Variants in CNTN1 observed in about 807,000 individuals in gnomAD.
The protein encoded by CNTN1 is contactin-1.
A neutral mutation model predicts 126.4 loss-of-function variants in CNTN1; 38 were observed. The observed-to-expected ratio is 0.30, with a 90% CI of 0.23 to 0.39. The LOEUF is 0.39. CNTN1 is among the 10% of genes least tolerant of loss of function. The pLI is 1.00. For synonymous variants in CNTN1, 413 were observed against 422.6 expected (o/e 0.98, Z 0.28); for missense variants, 1,009 against 1,248.4 (o/e 0.81, Z 2.89).
At chr12:41,056,848 T>A (rs1328095054) in intron 23 of CNTN1, among the ~76,000 whole-genome samples, 5 of 147,690 alleles carry the variant, frequency 3.4e-5, no homozygotes, top group African/African-American at 9.8e-5. Flanking sequence ...AACATTTAGA[T>A]CATAATTTAT....
chr12:41,047,558 ATCATACCATCACCC>A (rs1387468207), intron 23 of CNTN1, among the ~76,000 whole-genome samples: 2 of 151,822 alleles, frequency 1.3e-5, no homozygotes, highest in Non-Finnish European at 1.5e-5. Flanking sequence ...TCTGCTTGGA[ATCATACCATCACCC>A]TCTCCCACCC....
chr12:40,961,942 A>G (rs1021458746), intron 15 of CNTN1, among the ~76,000 whole-genome samples: 1 of 151,512 alleles, frequency 6.6e-6, no homozygotes, highest in Admixed American at 6.6e-5. Context: ...AACTTTCCAT[A>G]TTTGAGATGG....
At position 40,737,357 on chromosome 12, in the gene CNTN1, G is replaced by GTATATATATATATATATATA. The variant is rs773215644; in HGVS notation, c.-77+44766_-77+44767insATATATATATATATATATAT. On this transcript the variant is annotated intron_variant, in intron 1 of 23. Coordinates refer to ENST00000551295, the MANE Select transcript of CNTN1 (RefSeq NM_001843.4). ...TGTGTGTGTGTGTATATATGTGTGTGTGTATATATATATATATATATATAT... is the reference window on the plus strand; with the variant it reads ...TGTGTGTGTGTGTATATATGTGTGTGTATATATATATATATATATATGTATATATATATATATATATATAT... 2.1e-3 allele frequency among the ~76,000 whole-genome samples: 222 copies of GTATATATATATATATATATA among 105,002 alleles called. 3 individuals carry two copies. The highest frequency in any genetic ancestry group is 3.6e-3 in the Non-Finnish European group (190 of 52,804). The allele number at this position is 105,002 out of a possible 152,430, so 68.9% of individuals were successfully genotyped here. A position where few individuals can be genotyped will look rare whatever the true frequency, so the allele number is the denominator to read the frequency against.
chr12:40,837,587 A>G (rs1942109044), intron 1 of CNTN1, among the ~76,000 whole-genome samples: 1 of 152,304 alleles, frequency 6.6e-6, no homozygotes, highest in South Asian at 2.1e-4. Context: ...TGGCTACAGC[A>G]AGGTGCCATT....
chr12:40,943,990 T>C lies in CNTN1; in HGVS notation c.1508-5T>C, dbSNP rs1241567657. The C allele has an allele frequency of 2.5e-6, 4 of 1,612,758 alleles. No homozygotes were observed. Among genetic ancestry groups the C allele is most frequent in the Admixed American group, 3.3e-5 (2 of 59,872 alleles). Reference sequence around the variant, plus strand: ...GAATTGTGCTTTACATTTAAAAATATATAGATCCTACGCGAATTATATTGG... The same window carrying C: ...GAATTGTGCTTTACATTTAAAAATACATAGATCCTACGCGAATTATATTGG... On this transcript the variant is annotated splice_region_variant and splice_polypyrimidine_tract_variant and intron_variant, in intron 13 of 23. Transcript: ENST00000551295.
At chr12:40,870,242 G>C (rs1485300705) in intron 1 of CNTN1, among the ~76,000 whole-genome samples, 1 of 151,858 alleles carries the variant, frequency 6.6e-6, no homozygotes, top group Non-Finnish European at 1.5e-5. Context: ...AATACATACA[G>C]GTTCCATTAG....
In CNTN1 at chr12:40,749,130, C is replaced by T. The variant is rs962375907; in HGVS notation, c.-77+56538C>T. On this transcript the variant is annotated intron_variant, in intron 1 of 23. Transcript: ENST00000551295. ...GAAAAGCACCAATACTTTATTATCT[C>T]CCTGGAATTCTTTTTCATTTTGTAA... 2.6e-5 allele frequency among the ~76,000 whole-genome samples: 4 copies of T among 152,168 alleles called. No homozygotes were observed. In the East Asian group the frequency reaches 7.7e-4, roughly 29 times the overall value.
chr12:40,931,452 C>G (rs1358610001), intron 7 of CNTN1, among the ~76,000 whole-genome samples: 1 of 151,812 alleles, frequency 6.6e-6, no homozygotes, highest in African/African-American at 2.4e-5. Flanking sequence ...AACAGTATAC[C>G]TTTGCAAGAG....
intron 1 of CNTN1, among the ~76,000 whole-genome samples, chr12:40,695,003 C>T (rs1010661536): frequency 6.6e-6 from 1 of 152,266 alleles, no homozygotes; most frequent in East Asian, 1.9e-4. Context: ...TCTAACAAAA[C>T]GATCACTCCT....
In CNTN1 at chr12:40,870,077, C is replaced by A. The variant is rs373844190; in HGVS notation, c.-76-38280C>A. Among the ~76,000 whole-genome samples the A allele has an allele frequency of 3.3e-5, 5 of 152,220 alleles. No homozygotes were observed. In the East Asian group the frequency reaches 7.7e-4, roughly 24 times the overall value. ...AAGTGGGAGTTTCCCTGCACAAGCC[C>A]TCTTGTCTGCTGCCATGTGAGATGT... On this transcript the variant is annotated intron_variant, in intron 1 of 23. Coordinates refer to ENST00000551295, the MANE Select transcript of CNTN1 (RefSeq NM_001843.4).
chr12:40,880,340 G>T (rs77160609), intron 1 of CNTN1, among the ~76,000 whole-genome samples: 2,436 of 151,990 alleles, frequency 0.016, 68 homozygotes, highest in African/African-American at 0.055. Context: ...TTTTATGTAC[G>T]TTTGAAGGGG....
chr12:41,039,920 C>G (rs565684065), intron 23 of CNTN1, among the ~76,000 whole-genome samples: 9 of 152,224 alleles, frequency 5.9e-5, no homozygotes, highest in Non-Finnish European at 1.2e-4. Context: ...AAACTCTCAA[C>G]TCAACTCTCA....
At chr12:40,791,622 G>A (rs780756056) in intron 1 of CNTN1, among the ~76,000 whole-genome samples, 76 of 152,130 alleles carry the variant, frequency 5.0e-4, no homozygotes, top group Non-Finnish European at 8.5e-4. Context: ...TACAATGTTC[G>A]TTTACATCTA....
chr12:40,864,750 T>A (rs1943242023), intron 1 of CNTN1, among the ~76,000 whole-genome samples: 1 of 152,184 alleles, frequency 6.6e-6, no homozygotes, highest in South Asian at 2.1e-4. Context: ...CTGATGGACA[T>A]TTGAGTTGTT....
intron 1 of CNTN1, among the ~76,000 whole-genome samples, chr12:40,773,253 C>T: frequency 6.6e-6 from 1 of 151,704 alleles, no homozygotes; most frequent in Non-Finnish European, 1.5e-5. Context: ...ATAAAACACT[C>T]TATGTAAGCC....
chr12:40,967,871 T>A (rs995896532), intron 15 of CNTN1, among the ~76,000 whole-genome samples: 2 of 151,210 alleles, frequency 1.3e-5, no homozygotes, highest in Non-Finnish European at 2.9e-5. Context: ...GAATATAAAA[T>A]GAAAATAAAG....
chr12:40,692,889 G>T (rs1473949525), intron 1 of CNTN1, among the ~76,000 whole-genome samples: 3 of 152,154 alleles, frequency 2.0e-5, no homozygotes, highest in Non-Finnish European at 2.9e-5. Context: ...GGAGGCTGCC[G>T]CCGCCAGCGC....
chr12:40,893,210 A>T (rs1330380897), intron 1 of CNTN1, among the ~76,000 whole-genome samples: 2 of 152,046 alleles, frequency 1.3e-5, no homozygotes, highest in Non-Finnish European at 2.9e-5. Flanking sequence ...TCATGTTAGG[A>T]GTTTAATTTT....
chr12:41,022,161 A>T (rs1050549705), intron 20 of CNTN1, among the ~76,000 whole-genome samples: 33 of 152,216 alleles, frequency 2.2e-4, no homozygotes, highest in Non-Finnish European at 4.1e-4. Context: ...AAGAGGTAGG[A>T]AGCAACATAG....
Sources: gnomAD v4.1 joint callset for allele counts (sites outside exome capture counted in the v4.1 genomes callset) on GRCh38, gnomAD v4.1.1 for gene constraint, MANE v1.5 for transcripts, NCBI Gene and HGNC (gene_info 2026-07-23, HGNC 2026-07-21) for gene names.